Variants in FLI1 observed in about 807,000 individuals in gnomAD.
FLI1 encodes Fli-1 proto-oncogene, ETS transcription factor, also known as Friend leukemia integration 1 transcription factor.
In FLI1, 13 loss-of-function variants were observed where a neutral mutation model predicts 53.1. That is an observed-to-expected ratio of 0.24 (90% confidence interval 0.16 to 0.39). FLI1 has a LOEUF of 0.39. FLI1 is among the 10% of genes least tolerant of loss of function. The pLI, the probability that FLI1 is intolerant of heterozygous loss-of-function variation, is 1.00. For missense variants in FLI1, 424 were observed against 600.5 expected (o/e 0.71, Z 3.07); for synonymous variants, 244 against 236.7 (o/e 1.03, Z -0.28).
upstream of FLI1, chr11:128,685,973 A>G (rs989307604): frequency 3.1e-5 from 6 of 192,528 alleles, no homozygotes; most frequent in Non-Finnish European, 4.4e-5. Context: ...CTCTCCTGCC[A>G]CTAAAAATGA....
At chr11:128,804,269 C>T (rs1370597832) in intron 5 of FLI1, 1 of 152,212 alleles carries the variant, frequency 6.6e-6, no homozygotes, top group Non-Finnish European at 1.5e-5. Flanking sequence ...CCCCGTCAGA[C>T]TCTGTTGTTT....
At chr11:128,806,949 C>A in intron 6 of FLI1, 1 of 388,448 alleles carries the variant, frequency 2.6e-6, no homozygotes, top group Non-Finnish European at 4.6e-6. Flanking sequence ...ATTGTCTCTC[C>A]CATTGGAATG....
rs186949918 is a variant in FLI1 at position 128,735,627 on chromosome 11, G to A, written c.19-22488G>A. Among the ~76,000 whole-genome samples, 192 of 152,284 alleles carry A rather than the reference G, an allele frequency of 1.3e-3. 1 individual carries two copies. The highest frequency in any genetic ancestry group is 4.5e-3 in the African/African-American group (188 of 41,548). On this transcript the variant is annotated intron_variant, in intron 1 of 8. Transcript: ENST00000527786. ...CATTATCCACATTATCAGATGTCTA[G>A]ATAAGATAGGAAAGGTAACTTTATC...
chr11:128,702,332 G>A (rs879386517), intron 1 of FLI1, among the ~76,000 whole-genome samples: 1 of 152,194 alleles, frequency 6.6e-6, no homozygotes, highest in Admixed American at 6.5e-5. Flanking sequence ...TTAGCTCTGA[G>A]TATTGGAAAT....
chr11:128,806,856 T>C (rs1208348134), intron 6 of FLI1: 1 of 209,376 alleles, frequency 4.8e-6, no homozygotes, highest in Non-Finnish European at 9.4e-6. Flanking sequence ...GCTATACTGT[T>C]AGTTTACTTT....
Position 128,765,767 on chromosome 11 carries a change from T to C in FLI1, c.231-2351T>C, listed in dbSNP as rs556529071. Among the ~76,000 whole-genome samples the C allele has an allele frequency of 2.0e-5, 3 of 152,196 alleles. No individual in the cohort carries two copies. In the East Asian group the frequency reaches 5.8e-4, roughly 29 times the overall value. On this transcript the variant is annotated intron_variant, in intron 2 of 8. Coordinates refer to ENST00000527786, the MANE Select transcript of FLI1 (RefSeq NM_002017.5). The stretch of plus-strand genomic sequence containing the variant: ...GGGAAAGGCTGCCAGACCATGTGCG[T>C]GAGTGTGTGTGTATGCACGCGTGTG...
At chr11:128,747,546 G>T (rs141149819) in intron 1 of FLI1, among the ~76,000 whole-genome samples, 1 of 152,318 alleles carries the variant, frequency 6.6e-6, no homozygotes, top group African/African-American at 2.4e-5. Flanking sequence ...GAGAATACTG[G>T]CTCCGTCTTA....
exon 1 of FLI1, chr11:128,686,670 A>G (rs1865809476): frequency 5.6e-6 from 2 of 357,286 alleles, no homozygotes; most frequent in East Asian, 1.5e-4. Context: ...ACGATGTTTC[A>G]GACAGTCCCC....
chr11:128,714,898 G>A (rs934670975), intron 1 of FLI1, among the ~76,000 whole-genome samples: 2 of 151,830 alleles, frequency 1.3e-5, no homozygotes, highest in Non-Finnish European at 2.9e-5. Flanking sequence ...TAGTAGAGAC[G>A]GGGTTTCACC....
chr11:128,774,651 C>T (rs1381745863), intron 4 of FLI1, among the ~76,000 whole-genome samples: 3 of 152,160 alleles, frequency 2.0e-5, no homozygotes, highest in African/African-American at 7.2e-5. Context: ...GCATAGACAG[C>T]ATGCTCTGAA....
At chr11:128,708,046 T>C (rs1293642510) in intron 1 of FLI1, among the ~76,000 whole-genome samples, 1 of 152,174 alleles carries the variant, frequency 6.6e-6, no homozygotes, top group Non-Finnish European at 1.5e-5. Context: ...GTGTGCACAG[T>C]ACAAGCACAC....
chr11:128,690,122 T>C (rs1225010299), upstream of FLI1, among the ~76,000 whole-genome samples: 1 of 152,126 alleles, frequency 6.6e-6, no homozygotes, highest in Middle Eastern at 3.4e-3. Context: ...ACTCGAGTTC[T>C]CCAATAAAAA....
chr11:128,747,279 T>C (rs1369804057), intron 1 of FLI1, among the ~76,000 whole-genome samples: 1 of 152,234 alleles, frequency 6.6e-6, no homozygotes, highest in Non-Finnish European at 1.5e-5. Context: ...TATCCACCTG[T>C]GTGGCTGTGC....
intron 1 of FLI1, among the ~76,000 whole-genome samples, chr11:128,734,206 T>G (rs1388657158): frequency 6.6e-6 from 1 of 152,204 alleles, no homozygotes; most frequent in Non-Finnish European, 1.5e-5. Flanking sequence ...GAGAAAAAGA[T>G]GTTTTGCATA....
intron 1 of FLI1, among the ~76,000 whole-genome samples, chr11:128,716,320 G>A (rs933104701): frequency 5.9e-5 from 9 of 152,152 alleles, no homozygotes; most frequent in Non-Finnish European, 1.3e-4. Flanking sequence ...CAGATCCTCA[G>A]CAGCAGGAGA....
At chr11:128,777,928 C>T (rs748588477) in intron 4 of FLI1, among the ~76,000 whole-genome samples, 6 of 152,198 alleles carry the variant, frequency 3.9e-5, no homozygotes, top group African/African-American at 7.2e-5. Flanking sequence ...GGTTCTACCC[C>T]ACACCTGCAA....
intron 1 of FLI1, among the ~76,000 whole-genome samples, chr11:128,750,946 C>T (rs770195841): frequency 9.9e-5 from 15 of 152,190 alleles, no homozygotes; most frequent in Non-Finnish European, 1.6e-4. Context: ...TAGGTGCTAG[C>T]CACCTACCAT....
chr11:128,710,416 G>A (rs916685993), intron 1 of FLI1, among the ~76,000 whole-genome samples: 1 of 151,988 alleles, frequency 6.6e-6, no homozygotes, highest in Non-Finnish European at 1.5e-5. Context: ...AGTTCATGAG[G>A]CCGAACATTG....
rs1048776438 is a variant in FLI1 at position 128,741,823 on chromosome 11, T to G, written c.19-16292T>G. 2.0e-5 allele frequency among the ~76,000 whole-genome samples: 3 copies of G among 152,182 alleles called. No individual in the cohort carries two copies. The East Asian group carries it at 5.8e-4, about 29-fold the overall frequency. ...CCTCTTTACTTCAAGTTCTGCCACC[T>G]TCTCCTGAGGCAATGGCTCCCTTGC... is the stretch of plus-strand genomic sequence containing the variant. On this transcript the variant is annotated intron_variant, in intron 1 of 8. Transcript: ENST00000527786.
Sources: allele counts gnomAD v4.1 joint callset (sites outside exome capture counted in the v4.1 genomes callset), GRCh38; gene constraint gnomAD v4.1.1; transcripts MANE v1.5; gene names NCBI Gene and HGNC (gene_info 2026-07-23, HGNC 2026-07-21).